KCNIP4: variants seen among roughly 807,000 people sequenced by gnomAD.
KCNIP4 encodes the protein potassium voltage-gated channel interacting protein 4.
In KCNIP4, 12 loss-of-function variants were observed where a neutral mutation model predicts 34.0. That is an observed-to-expected ratio of 0.35 (90% CI 0.23 to 0.57). The LOEUF (loss-of-function observed/expected upper bound fraction) is 0.57, where lower values mean the gene tolerates loss of function less well. KCNIP4 is among the 20% of genes least tolerant of loss of function. The pLI, the probability that KCNIP4 is intolerant of heterozygous loss-of-function variation, is 0.83. For synonymous variants in KCNIP4, 124 were observed against 102.2 expected (o/e 1.21, Z -1.29); for missense variants, 238 against 311.7 (o/e 0.76, Z 1.78).
intron 1 of KCNIP4, among the ~76,000 whole-genome samples, chr4:21,215,089 C>T (rs985674205): frequency 2.0e-5 from 3 of 152,246 alleles, no homozygotes; most frequent in Admixed American, 6.5e-5. Flanking sequence ...TATCTAATTA[C>T]TCACATTCAC....
chr4:21,422,683 G>T (rs1212120943), intron 1 of KCNIP4, among the ~76,000 whole-genome samples: 3 of 151,942 alleles, frequency 2.0e-5, no homozygotes, highest in Non-Finnish European at 2.9e-5. Flanking sequence ...GTGTGTGTGT[G>T]TGTGTGTCTG....
intron 1 of KCNIP4, among the ~76,000 whole-genome samples, chr4:21,652,999 G>A (rs1747626734): frequency 1.3e-5 from 2 of 152,148 alleles, no homozygotes; most frequent in South Asian, 4.1e-4. Context: ...CCGCCTGCTG[G>A]GGAAAGGGAA....
chr4:21,224,472 T>C (rs1466251127), intron 1 of KCNIP4, among the ~76,000 whole-genome samples: 1 of 151,276 alleles, frequency 6.6e-6, no homozygotes, highest in East Asian at 1.9e-4. Flanking sequence ...CATTAGAGAC[T>C]ACAGTTTCAC....
At chr4:21,066,370 T>A (rs1326322455) in intron 1 of KCNIP4, among the ~76,000 whole-genome samples, 3 of 151,908 alleles carry the variant, frequency 2.0e-5, no homozygotes, top group Non-Finnish European at 4.4e-5. Flanking sequence ...TGACCAACTA[T>A]ACACACACAC....
At chr4:21,307,761 T>C (rs1712648797) in intron 1 of KCNIP4, among the ~76,000 whole-genome samples, 1 of 152,138 alleles carries the variant, frequency 6.6e-6, no homozygotes, top group South Asian at 2.1e-4. Flanking sequence ...TCCATACTTT[T>C]TTTTTAGGAA....
At chr4:21,612,458 A>G (rs114299967) in intron 1 of KCNIP4, among the ~76,000 whole-genome samples, 5 of 152,232 alleles carry the variant, frequency 3.3e-5, no homozygotes, top group African/African-American at 1.2e-4. Context: ...AAGAAATTGC[A>G]CTGACTGGGG....
intron 1 of KCNIP4, among the ~76,000 whole-genome samples, chr4:21,858,384 C>A (rs1246820587): frequency 1.3e-5 from 2 of 152,182 alleles, no homozygotes; most frequent in African/African-American, 4.8e-5. Flanking sequence ...TTCTTGATAG[C>A]TCTAAGAAGT....
chr4:20,750,338 G>T (rs1268436056), intron 4 of KCNIP4, among the ~76,000 whole-genome samples: 1 of 152,132 alleles, frequency 6.6e-6, no homozygotes, highest in Non-Finnish European at 1.5e-5. Context: ...AGTAAAGTTG[G>T]CTGATGGATT....
At chr4:21,442,148 C>G (rs1045622482) in intron 1 of KCNIP4, among the ~76,000 whole-genome samples, 8 of 152,102 alleles carry the variant, frequency 5.3e-5, no homozygotes, top group African/African-American at 1.7e-4. Flanking sequence ...CTATCTTCAC[C>G]TCCAGAACCT....
Position 20,882,585 on chromosome 4 carries a change from AAAAAAC to A in KCNIP4, c.163+17_163+22del. The stretch of plus-strand genomic sequence containing the variant: ...CGAAACAAGAGTTTCGGAGGAAAAA[AAAAAAC>A]AAAAAAACAAACTTGCTTTGAATAG... On this transcript the variant is annotated intron_variant, in intron 2 of 8. Transcript: ENST00000382152. The A allele has an allele frequency of 6.3e-7, 1 of 1,578,770 alleles. No homozygotes were observed. Among genetic ancestry groups the A allele is most frequent in the Non-Finnish European group, 8.7e-7 (1 of 1,150,834 alleles).
At chr4:21,922,221 C>T (rs1213057415) in intron 1 of KCNIP4, among the ~76,000 whole-genome samples, 3 of 152,168 alleles carry the variant, frequency 2.0e-5, no homozygotes, top group Non-Finnish European at 4.4e-5. Flanking sequence ...ACCAATAAAC[C>T]TCAACAAGCC....
chr4:21,788,051 C>G (rs1272073473), intron 1 of KCNIP4, among the ~76,000 whole-genome samples: 1 of 152,004 alleles, frequency 6.6e-6, no homozygotes, highest in Non-Finnish European at 1.5e-5. Flanking sequence ...AAATTAAACT[C>G]AAGTCCCAGA....
intron 1 of KCNIP4, among the ~76,000 whole-genome samples, chr4:21,672,662 C>T (rs536754218): frequency 3.2e-4 from 48 of 152,318 alleles, no homozygotes; most frequent in Middle Eastern, 3.4e-3. Context: ...GCTCAGGTGA[C>T]GATTGGGATA....
chr4:21,485,594 AG>A (rs1247607099), intron 1 of KCNIP4, among the ~76,000 whole-genome samples: 1 of 152,144 alleles, frequency 6.6e-6, no homozygotes, highest in East Asian at 1.9e-4. Context: ...TAGCACTTCA[AG>A]CTGTCATTCA....
intron 1 of KCNIP4, among the ~76,000 whole-genome samples, chr4:21,703,079 G>T (rs533075741): frequency 6.6e-6 from 1 of 151,542 alleles, no homozygotes; most frequent in South Asian, 2.1e-4. Context: ...AAAAATCCAA[G>T]AAATAGGAAT....
At chr4:20,739,799 C>T (rs186722078) in intron 5 of KCNIP4, among the ~76,000 whole-genome samples, 2 of 152,256 alleles carry the variant, frequency 1.3e-5, no homozygotes, top group African/African-American at 4.8e-5. Context: ...CTTCTCCGAA[C>T]TAAAGGAAGA....
chr4:21,410,726 T>C (rs950956322), intron 1 of KCNIP4, among the ~76,000 whole-genome samples: 2 of 152,366 alleles, frequency 1.3e-5, no homozygotes, highest in African/African-American at 2.4e-5. Context: ...TGTATTATAA[T>C]CAGTGCTTAT....
intron 1 of KCNIP4, among the ~76,000 whole-genome samples, chr4:21,857,940 C>A (rs1030377942): frequency 6.6e-6 from 1 of 152,220 alleles, no homozygotes; most frequent in Non-Finnish European, 1.5e-5. Flanking sequence ...CTTCTGAATG[C>A]CACCACATTC....
chr4:21,627,125 C>A (rs1437077967), intron 1 of KCNIP4, among the ~76,000 whole-genome samples: 3 of 152,116 alleles, frequency 2.0e-5, no homozygotes, highest in African/African-American at 4.8e-5. Flanking sequence ...ATAACAAATT[C>A]TTTTGCAAAA....
Sources: allele counts gnomAD v4.1 joint callset (sites outside exome capture counted in the v4.1 genomes callset), GRCh38; gene constraint gnomAD v4.1.1; transcripts MANE v1.5; gene names NCBI Gene and HGNC (gene_info 2026-07-23, HGNC 2026-07-21).